Variants in CHST3 observed in about 807,000 individuals in gnomAD.
CHST3 encodes C6ST-1.
CHST3 carries 20 observed loss-of-function variants against 35.4 expected under a neutral mutation model. That is an observed-to-expected ratio of 0.57 (90% CI 0.40 to 0.82). The LOEUF (loss-of-function observed/expected upper bound fraction) is 0.82. Among genes scored for constraint, CHST3 ranks in the 40% least tolerant of loss-of-function variants. The pLI is 0.00. For synonymous variants in CHST3, 334 were observed against 295.9 expected, an observed-to-expected ratio of 1.13 and a Z score of -1.32; for missense variants, 693 against 670.1, an observed-to-expected ratio of 1.03 and a Z score of -0.38.
chr10:71,966,564 G>A (rs1417259355), intron 1 of CHST3, among the ~76,000 whole-genome samples: 4 of 152,178 alleles, frequency 2.6e-5, no homozygotes, highest in Admixed American at 1.3e-4. Flanking sequence ...TCTAAATGCT[G>A]AAATTAGCAA....
chr10:71,972,033 CAAT>C (rs1286079383), intron 1 of CHST3, among the ~76,000 whole-genome samples: 1 of 151,870 alleles, frequency 6.6e-6, no homozygotes, highest in African/African-American at 2.4e-5. Context: ...GCCCAGGAAA[CAAT>C]AATAGTAAGA....
In CHST3 at chr10:72,007,337, C is replaced by A. The variant is rs776007496; in HGVS notation, c.306C>A (p.Gly102=). ...SRLRNLSLQL[G]VEPAMEAAGE... ...TCCGCAACCTCAGCTTGCAGCTGGG[C>A]GTGGAGCCAGCCATGGAGGCCGCAG... The change falls in exon 3 of 3, where the codon GGC becomes GGA. Residue 102 remains glycine (G), a synonymous_variant. Transcript: ENST00000373115. 16 of 1,609,864 alleles carry A rather than the reference C, an allele frequency of 9.9e-6. No homozygotes were observed. Among genetic ancestry groups the A allele is most frequent in the Non-Finnish European group, 1.4e-5 (16 of 1,178,242 alleles).
intron 1 of CHST3, among the ~76,000 whole-genome samples, chr10:71,970,736 C>T (rs1208153485): frequency 6.6e-6 from 1 of 152,190 alleles, no homozygotes. Context: ...TTTGATGGTG[C>T]AGAATGATGA....
intron 1 of CHST3, among the ~76,000 whole-genome samples, chr10:72,002,586 C>T (rs1262473218): frequency 6.6e-6 from 1 of 152,204 alleles, no homozygotes; most frequent in East Asian, 1.9e-4. Flanking sequence ...ATGGTAGAGA[C>T]ACAGGAAGGA....
chr10:71,999,823 G>A (rs979218302), intron 1 of CHST3, among the ~76,000 whole-genome samples: 3 of 152,236 alleles, frequency 2.0e-5, no homozygotes, highest in African/African-American at 7.2e-5. Context: ...GAGAAGGGAG[G>A]GAAGCCGAAG....
chr10:71,988,571 T>G (rs1179275875), intron 1 of CHST3, among the ~76,000 whole-genome samples: 1 of 152,226 alleles, frequency 6.6e-6, no homozygotes, highest in African/African-American at 2.4e-5. Flanking sequence ...TCCGCCATGA[T>G]TGAAAGCTCC....
Position 72,009,218 on chromosome 10 carries a change from C to T in CHST3, c.*747C>T, listed in dbSNP as rs891901060. On this transcript the variant is annotated 3_prime_UTR_variant, in exon 3 of 3. Coordinates refer to ENST00000373115, the MANE Select transcript of CHST3 (RefSeq NM_004273.5). ...CACAGGGTTTTTCTGTATGACACAC[C>T]TCAGAGGAGCCTGTGCTTAACATTT... 1 of 152,226 alleles carries T rather than the reference C, an allele frequency of 6.6e-6. No homozygotes were observed. The highest frequency in any genetic ancestry group is 2.4e-5 in the African/African-American group (1 of 41,446). The allele number at this position is 152,226 out of a possible 1,614,324, so 9.4% of individuals were successfully genotyped here.
At chr10:71,981,182 G>A (rs1589499771) in intron 1 of CHST3, among the ~76,000 whole-genome samples, 1 of 152,202 alleles carries the variant, frequency 6.6e-6, no homozygotes, top group South Asian at 2.1e-4. Context: ...TTTCACTGGC[G>A]GTCCCCAGTT....
chr10:72,005,668 G>C (rs1055889829), intron 1 of CHST3, 68 bp from the exon 2 acceptor site: 2 of 754,342 alleles, frequency 2.7e-6, no homozygotes, highest in African/African-American at 1.7e-5. Context: ...TCAAAAGTCT[G>C]GTGGAGAGAC....
Position 72,008,047 on chromosome 10 carries a change from A to T in CHST3, c.1016A>T (p.Gln339Leu). 1.9e-6 allele frequency: 3 copies of T among 1,549,264 alleles called. No individual in the cohort carries two copies. Among genetic ancestry groups the T allele is most frequent in the Non-Finnish European group, 1.7e-6 (2 of 1,146,464 alleles). ...GACGGCCTGAGGGAAGAGGAGGTGCAGCGGCTGCGGGGCAACTGCGAGAGC... is the reference window on the plus strand; with the variant it reads ...GACGGCCTGAGGGAAGAGGAGGTGCTGCGGCTGCGGGGCAACTGCGAGAGC... ...GQDGLREEEV[Q>L]RLRGNCESIR... The change falls in exon 3 of 3, where the codon CAG becomes CTG. Residue 339 changes from glutamine (Q) to leucine (L), a missense_variant. Transcript: ENST00000373115.
intron 1 of CHST3, among the ~76,000 whole-genome samples, chr10:71,965,160 G>A (rs998208192): frequency 2.6e-5 from 4 of 152,204 alleles, no homozygotes; most frequent in Admixed American, 6.5e-5. Context: ...AAAACTTGTG[G>A]CCAGAACCCC....
intron 1 of CHST3, among the ~76,000 whole-genome samples, chr10:71,965,127 G>A (rs1347835029): frequency 1.3e-5 from 2 of 152,248 alleles, no homozygotes; most frequent in Non-Finnish European, 2.9e-5. Flanking sequence ...GCAGCGGGCA[G>A]GAGAGAGGCT....
intron 2 of CHST3, among the ~76,000 whole-genome samples, chr10:72,006,724 T>G (rs1470601377): frequency 6.6e-6 from 1 of 152,190 alleles, no homozygotes; most frequent in East Asian, 1.9e-4. Flanking sequence ...GGTCAGGGAT[T>G]GGGCAATATA....
intron 1 of CHST3, among the ~76,000 whole-genome samples, chr10:71,977,053 T>A (rs1208851649): frequency 1.3e-5 from 2 of 152,244 alleles, no homozygotes; most frequent in African/African-American, 2.4e-5. Flanking sequence ...ACAATTAGGT[T>A]GACCGAGGCA....
chr10:71,980,669 G>A (rs1009687373), intron 1 of CHST3, among the ~76,000 whole-genome samples: 6 of 152,320 alleles, frequency 3.9e-5, no homozygotes, highest in Admixed American at 2.0e-4. Flanking sequence ...TTCCCAGGAG[G>A]GGCTGATACT....
intron 1 of CHST3, among the ~76,000 whole-genome samples, chr10:71,995,249 A>AC (rs1422750412): frequency 1.3e-5 from 2 of 151,098 alleles, no homozygotes; most frequent in Non-Finnish European, 3.0e-5. Context: ...ACCTGATGAA[A>AC]CCCCCTCTCT....
chr10:72,000,963 C>T (rs999766519), intron 1 of CHST3, among the ~76,000 whole-genome samples: 2 of 152,018 alleles, frequency 1.3e-5, no homozygotes, highest in African/African-American at 4.8e-5. Context: ...CCACACTAGG[C>T]CCCCAGGAGA....
rs17714398 is a variant in CHST3, at chr10:71,974,436, T to C, written c.-108+9742T>C. Among the ~76,000 whole-genome samples, 845 of 152,314 alleles carry C rather than the reference T, an allele frequency of 5.5e-3. 1 individual carries two copies. The highest frequency in any genetic ancestry group is 0.012 in the East Asian group (63 of 5,172). ...ACCCAGGTCTGCTGTCGCTTGAGTC[T>C]TCCCTCAAAGTGAAGATTGGAGAGA... On this transcript the variant is annotated intron_variant, in intron 1 of 2. Transcript: ENST00000373115.
chr10:71,992,782 T>G (rs1002353826), intron 1 of CHST3, among the ~76,000 whole-genome samples: 2 of 147,096 alleles, frequency 1.4e-5, no homozygotes, highest in African/African-American at 4.9e-5. Flanking sequence ...TGCCTCAGCC[T>G]CCAGAGTAGG....
Sources: gnomAD v4.1 joint callset for allele counts (sites outside exome capture counted in the v4.1 genomes callset) on GRCh38, gnomAD v4.1.1 for gene constraint, MANE v1.5 for transcripts, NCBI Gene and HGNC (gene_info 2026-07-23, HGNC 2026-07-21) for gene names.